The following SLC35F5 variants were observed in gnomAD, a reference collection of about 807,000 sequenced individuals.
SLC35F5 encodes HCV NS5A-transactivated protein 3.
Under a neutral mutation model 68.6 loss-of-function variants are expected in SLC35F5, and 54 were observed. The ratio of observed to expected loss-of-function variants is 0.79; its 90% CI spans 0.63 to 0.99. The LOEUF is 0.99. Ranked by LOEUF, SLC35F5 falls within the 50% of genes least tolerant of loss-of-function variation. The pLI is 0.00. For missense variants in SLC35F5, 567 were observed against 626.9 expected (o/e 0.90, Z 1.02); for synonymous variants, 211 against 205.2 (o/e 1.03, Z -0.24).
At chr2:113,743,972 A>G (rs1676386095) in intron 5 of SLC35F5, 178 bp from the exon 6 acceptor site, 1 of 428,410 alleles carries the variant, frequency 2.3e-6, no homozygotes, top group Non-Finnish European at 4.1e-6. Flanking sequence ...TACAGCTACA[A>G]TGACAGAAAA....
chr2:113,723,502 GTTGAACAGTTATTACCGTT>G (rs1489422294), intron 12 of SLC35F5, among the ~76,000 whole-genome samples: 1 of 151,814 alleles, frequency 6.6e-6, no homozygotes, highest in Non-Finnish European at 1.5e-5. Flanking sequence ...TTAAAAAACT[GTTGAACAGTTATTACCGTT>G]TTGTGATGAT....
chr2:113,746,404 C>T (rs1574263505), intron 4 of SLC35F5, 65 bp from the exon 5 acceptor site: 8 of 1,304,604 alleles, frequency 6.1e-6, no homozygotes, highest in Non-Finnish European at 8.8e-6. Flanking sequence ...ACTAGTCAGA[C>T]GTAACTCAGA....
At chr2:113,734,762 T>C in intron 8 of SLC35F5, 89 bp from the exon 9 acceptor site, 1 of 710,162 alleles carries the variant, frequency 1.4e-6, no homozygotes, top group Non-Finnish European at 2.4e-6. Context: ...AATAAGCAAA[T>C]TATATACCTA....
At chr2:113,750,313 TAACTG>T (rs1456915396) in intron 4 of SLC35F5, 107 bp downstream of exon 4, 9 of 1,070,908 alleles carry the variant, frequency 8.4e-6, no homozygotes, top group Non-Finnish European at 1.1e-5. Context: ...TTCACTCACT[TAACTG>T]AACAACTTAA....
chr2:113,711,859 A>G lies in SLC35F5; in HGVS notation c.*3359T>C, dbSNP rs1003725419. The stretch of plus-strand genomic sequence containing the variant: ...ATTTCATTTATTTGCTAATATGTGG[A>G]AAAAAATTTTCTAATTAATTCCTCC... On this transcript the variant is annotated 3_prime_UTR_variant, in exon 16 of 16. Transcript: ENST00000245680. Among the ~76,000 whole-genome samples the G allele has an allele frequency of 1.1e-4, 16 of 152,170 alleles. No individual in the cohort carries two copies. The highest frequency in any genetic ancestry group is 2.9e-5 in the Non-Finnish European group (2 of 68,018).
At position 113,742,832 on chromosome 2, in the gene SLC35F5, G is replaced by A; in HGVS notation, c.610C>T (p.Gln204Ter). 1 of 1,614,114 alleles carries A rather than the reference G, an allele frequency of 6.2e-7. No homozygotes were observed. Among genetic ancestry groups the A allele is most frequent in the East Asian group, 2.2e-5 (1 of 44,870 alleles). Reference protein sequence around the residue: ...VRFSNIMEIRQLPSSHALEAK... With the variant: ...VRFSNIMEIR The stretch of plus-strand genomic sequence containing the variant: ...TCCAATGCATGACTTGACGGAAGCT[G>A]TCGAATCTCCATGATATTACTGAAC... Residue 204 changes from glutamine (Q) to a stop codon, truncating the protein, a stop_gained, in exon 7 of 16, where the codon CAG (glutamine) becomes TAG (stop). Transcript: ENST00000245680. LOFTEE classifies it high-confidence loss of function.
intron 7 of SLC35F5, among the ~76,000 whole-genome samples, chr2:113,738,502 T>C (rs1015267003): frequency 3.9e-5 from 6 of 152,148 alleles, no homozygotes; most frequent in Admixed American, 6.5e-5. Flanking sequence ...CATCCATCGA[T>C]AGACACTCAG....
At chr2:113,741,294 A>T (rs1439015630) in intron 7 of SLC35F5, among the ~76,000 whole-genome samples, 1 of 152,128 alleles carries the variant, frequency 6.6e-6, no homozygotes, top group Non-Finnish European at 1.5e-5. Flanking sequence ...GGGAAAGAGG[A>T]GCTATTGTTT....
chr2:113,753,819 C>T (rs540286542), intron 3 of SLC35F5, among the ~76,000 whole-genome samples: 235 of 152,054 alleles, frequency 1.5e-3, no homozygotes, highest in Admixed American at 2.9e-3. Context: ...TAAAAACAAA[C>T]TATTTATTTT....
At chr2:113,748,808 T>TTTTA (rs1317815708) in intron 4 of SLC35F5, among the ~76,000 whole-genome samples, 5 of 141,684 alleles carry the variant, frequency 3.5e-5, no homozygotes, top group Non-Finnish European at 6.2e-5. Context: ...TTTAATTGTT[T>TTTTA]TTTATTTATT....
rs568577347 is a variant in SLC35F5, at chr2:113,749,975, G to T, written c.417+450C>A. On this transcript the variant is annotated intron_variant, in intron 4 of 15. Transcript: ENST00000245680. ...ATTATATTATATTACATCAATCAAAGAATATAATTTGATTAGCCAAACATC... is the reference window on the plus strand; with the variant it reads ...ATTATATTATATTACATCAATCAAATAATATAATTTGATTAGCCAAACATC... 3.9e-5 allele frequency among the ~76,000 whole-genome samples: 6 copies of T among 151,966 alleles called. 1 individual carries two copies. The highest frequency in any genetic ancestry group is 1.4e-4 in the African/African-American group (6 of 41,426).
At chr2:113,732,901 T>C (rs1424429089) in intron 9 of SLC35F5, among the ~76,000 whole-genome samples, 1 of 152,154 alleles carries the variant, frequency 6.6e-6, no homozygotes, top group Non-Finnish European at 1.5e-5. Flanking sequence ...GGAGATGGGA[T>C]TGGATTCCAA....
chr2:113,736,275 C>CA (rs71297191), intron 7 of SLC35F5, among the ~76,000 whole-genome samples: 13,748 of 130,912 alleles, frequency 0.11, 769 homozygotes, highest in Non-Finnish European at 0.15. Flanking sequence ...CCCATTTCTA[C>CA]AAAAAAAAAA....
chr2:113,712,004 C>A lies in SLC35F5; in HGVS notation c.*3214G>T, dbSNP rs1411321033. On this transcript the variant is annotated 3_prime_UTR_variant, in exon 16 of 16. Coordinates refer to ENST00000245680, the MANE Select transcript of SLC35F5 (RefSeq NM_025181.5). ...TTCCAGAGAAGTCATACCTTGCATA[C>A]CCTGGAGTCATACCTCAAATTGGCT... 6.6e-6 allele frequency among the ~76,000 whole-genome samples: 1 copy of A among 152,190 alleles called. No individual in the cohort carries two copies. The highest frequency in any genetic ancestry group is 2.4e-5 in the African/African-American group (1 of 41,436).
Position 113,711,797 on chromosome 2 carries a change from GA to G in SLC35F5, c.*3420del, listed in dbSNP as rs571226389. On this transcript the variant is annotated 3_prime_UTR_variant, in exon 16 of 16. Coordinates refer to ENST00000245680, the MANE Select transcript of SLC35F5 (RefSeq NM_025181.5). The stretch of plus-strand genomic sequence containing the variant: ...TTTCAAAAGGAGAGTAGGTAGAAAC[GA>G]AGATCATAACTATACTTACTTAATA... Among the ~76,000 whole-genome samples the G allele has an allele frequency of 3.6e-3, 550 of 151,782 alleles. 5 individuals carry two copies. Among genetic ancestry groups the G allele is most frequent in the African/African-American group, 0.013 (531 of 41,396 alleles).
intron 7 of SLC35F5, among the ~76,000 whole-genome samples, chr2:113,738,858 C>T (rs1024859516): frequency 2.6e-5 from 4 of 151,964 alleles, no homozygotes; most frequent in Non-Finnish European, 4.4e-5. Flanking sequence ...GATTTTAGTA[C>T]CAAAAAAGAA....
chr2:113,756,284 A>G (rs1443352731), intron 1 of SLC35F5, 86 bp downstream of exon 1: 52 of 1,545,248 alleles, frequency 3.4e-5, no homozygotes, highest in Non-Finnish European at 4.4e-5. Flanking sequence ...TCCTGCTGCC[A>G]CCGAGGGCAG....
At chr2:113,754,041 C>T (rs1003829756) in intron 3 of SLC35F5, among the ~76,000 whole-genome samples, 2 of 152,118 alleles carry the variant, frequency 1.3e-5, no homozygotes, top group South Asian at 4.1e-4. Flanking sequence ...TCTGTAATCC[C>T]AGCACTTTGG....
chr2:113,714,201 T>G lies in SLC35F5; in HGVS notation c.*1017A>C, dbSNP rs956702472. 1 of 152,170 alleles carries G rather than the reference T, an allele frequency of 6.6e-6. No individual in the cohort carries two copies. The highest frequency in any genetic ancestry group is 1.5e-5 in the Non-Finnish European group (1 of 67,974). 9.4% of individuals were successfully genotyped at this position (152,170 alleles called of 1,614,324 possible). ...GATGTGATTTTAAAAACAGAATCCC[T>G]TCTCGCCTTACTTACTTGGTACTTT... On this transcript the variant is annotated 3_prime_UTR_variant, in exon 16 of 16. Coordinates refer to ENST00000245680, the MANE Select transcript of SLC35F5 (RefSeq NM_025181.5).
Sources: allele counts gnomAD v4.1 joint callset (sites outside exome capture counted in the v4.1 genomes callset), GRCh38; gene constraint gnomAD v4.1.1; transcripts MANE v1.5; gene names NCBI Gene and HGNC (gene_info 2026-07-23, HGNC 2026-07-21).